SLC35F4: variants seen among roughly 807,000 people sequenced by gnomAD.
SLC35F4 encodes the protein solute carrier family 35 member F4, also known as chromosome 14 open reading frame 36.
A neutral mutation model predicts 44.2 loss-of-function variants in SLC35F4; 24 were observed. The ratio of observed to expected loss-of-function variants is 0.54; its 90% CI spans 0.39 to 0.76. The LOEUF (loss-of-function observed/expected upper bound fraction) is 0.76, where lower values mean the gene tolerates loss of function less well. Among genes scored for constraint, SLC35F4 ranks in the 30% least tolerant of loss-of-function variants. SLC35F4 has a pLI of 0.00. For missense variants in SLC35F4, 562 were observed against 586.1 expected (o/e 0.96, Z 0.42); for synonymous variants, 238 against 223.6 (o/e 1.06, Z -0.57).
intron 1 of SLC35F4, among the ~76,000 whole-genome samples, chr14:57,951,875 G>A (rs1292116342): frequency 6.6e-6 from 1 of 152,202 alleles, no homozygotes; most frequent in African/African-American, 2.4e-5. Flanking sequence ...AGACTTAGAT[G>A]TTTCTGCCTG....
chr14:57,704,562 C>T (rs1441333221), intron 1 of SLC35F4, among the ~76,000 whole-genome samples: 2 of 152,082 alleles, frequency 1.3e-5, no homozygotes, highest in Admixed American at 6.6e-5. Flanking sequence ...ATGATACCCA[C>T]CCCCTGACAA....
chr14:57,895,581 ACTCTCTCT>A (rs373339951), intron 1 of SLC35F4, among the ~76,000 whole-genome samples: 3 of 131,834 alleles, frequency 2.3e-5, no homozygotes, highest in Non-Finnish European at 3.3e-5. Context: ...TCGCTCTCTC[ACTCTCTCT>A]CTCTCTCTCT....
intron 1 of SLC35F4, among the ~76,000 whole-genome samples, chr14:57,951,419 TGCCAGCGA>T (rs1890138102): frequency 6.6e-6 from 1 of 151,888 alleles, no homozygotes; most frequent in Non-Finnish European, 1.5e-5. Context: ...GTGCCTGAAA[TGCCAGCGA>T]GACAGAACCA....
chr14:57,780,117 C>A (rs1307926972), intron 1 of SLC35F4, among the ~76,000 whole-genome samples: 1 of 151,992 alleles, frequency 6.6e-6, no homozygotes, highest in African/African-American at 2.4e-5. Context: ...TAAATGACAT[C>A]CAAATAGAAA....
intron 1 of SLC35F4, among the ~76,000 whole-genome samples, chr14:57,616,698 A>C (rs980020842): frequency 6.6e-6 from 1 of 151,858 alleles, no homozygotes; most frequent in African/African-American, 2.4e-5. Flanking sequence ...TTTTCTGTCT[A>C]TTCCCTTTAC....
chr14:57,707,816 A>G (rs2075715852), intron 1 of SLC35F4, among the ~76,000 whole-genome samples: 1 of 152,194 alleles, frequency 6.6e-6, no homozygotes, highest in South Asian at 2.1e-4. Flanking sequence ...GGAAATTATG[A>G]CAGTGAAAGA....
intron 1 of SLC35F4, among the ~76,000 whole-genome samples, chr14:57,731,576 A>G (rs1464728944): frequency 1.3e-5 from 2 of 152,164 alleles, no homozygotes; most frequent in African/African-American, 4.8e-5. Flanking sequence ...TCCAGGCAAG[A>G]TTGTCAGGTA....
intron 1 of SLC35F4, among the ~76,000 whole-genome samples, chr14:57,643,505 G>A (rs966924209): frequency 6.6e-6 from 1 of 152,076 alleles, no homozygotes; most frequent in African/African-American, 2.4e-5. Context: ...TTTACAGGTA[G>A]CAAAACGGGC....
chr14:57,871,286 G>T (rs2141027131), intron 1 of SLC35F4, among the ~76,000 whole-genome samples: 1 of 152,290 alleles, frequency 6.6e-6, no homozygotes, highest in Non-Finnish European at 1.5e-5. Flanking sequence ...TTGATGCTGA[G>T]CTAAGCCAAA....
chr14:57,744,645 T>C (rs1051736250), intron 1 of SLC35F4, among the ~76,000 whole-genome samples: 1 of 152,074 alleles, frequency 6.6e-6, no homozygotes. Context: ...AAAATGGCCA[T>C]ACTGTCCAAG....
chr14:57,785,964 G>A (rs1200498416), intron 1 of SLC35F4, among the ~76,000 whole-genome samples: 1 of 152,152 alleles, frequency 6.6e-6, no homozygotes, highest in Non-Finnish European at 1.5e-5. Context: ...GACTCCACAG[G>A]CAGGGGAAGA....
intron 1 of SLC35F4, among the ~76,000 whole-genome samples, chr14:57,858,803 A>C (rs1887392877): frequency 6.6e-6 from 1 of 152,024 alleles, no homozygotes; most frequent in South Asian, 2.1e-4. Flanking sequence ...AAGATCTAAA[A>C]GGAAAGTTGG....
At chr14:57,883,229 G>A (rs564410166) in intron 1 of SLC35F4, among the ~76,000 whole-genome samples, 1 of 152,308 alleles carries the variant, frequency 6.6e-6, no homozygotes, top group Non-Finnish European at 1.5e-5. Flanking sequence ...GTAGTTGCAT[G>A]CCTGTGAGAT....
chr14:57,934,040 G>A (rs560965082), intron 1 of SLC35F4, among the ~76,000 whole-genome samples: 7 of 152,200 alleles, frequency 4.6e-5, no homozygotes, highest in Admixed American at 6.5e-5. Context: ...GTCCAATTGC[G>A]TGAGTGACAA....
chr14:57,944,938 T>C (rs1258467528), intron 1 of SLC35F4, among the ~76,000 whole-genome samples: 1 of 152,208 alleles, frequency 6.6e-6, no homozygotes, highest in Admixed American at 6.5e-5. Context: ...AAAATACTCC[T>C]GTAAGGACAT....
chr14:57,692,349 C>T (rs534693800), intron 1 of SLC35F4, among the ~76,000 whole-genome samples: 56 of 152,026 alleles, frequency 3.7e-4, no homozygotes, highest in African/African-American at 1.3e-3. Context: ...GATGGTGGTA[C>T]CCCTTTAAAA....
intron 1 of SLC35F4, among the ~76,000 whole-genome samples, chr14:57,640,453 A>G (rs921603306): frequency 2.6e-5 from 4 of 152,016 alleles, no homozygotes; most frequent in Admixed American, 6.6e-5. Flanking sequence ...GCTGTTTTCT[A>G]CCTCTTCAAT....
At chr14:57,902,519 C>T (rs1018857221) in intron 1 of SLC35F4, among the ~76,000 whole-genome samples, 5 of 149,952 alleles carry the variant, frequency 3.3e-5, no homozygotes, top group South Asian at 2.1e-4. Context: ...GCCGAGATCA[C>T]GCCATTGCAC....
intron 1 of SLC35F4, among the ~76,000 whole-genome samples, chr14:57,708,490 C>T (rs576460146): frequency 6.6e-6 from 1 of 152,216 alleles, no homozygotes; most frequent in Non-Finnish European, 1.5e-5. Context: ...CAAGGTGAAC[C>T]CATTGGACAG....
Sources: gnomAD v4.1 joint callset for allele counts (sites outside exome capture counted in the v4.1 genomes callset) on GRCh38, gnomAD v4.1.1 for gene constraint, MANE v1.5 for transcripts, NCBI Gene and HGNC (gene_info 2026-07-23, HGNC 2026-07-21) for gene names.